CORO2B: variants seen among roughly 807,000 people sequenced by gnomAD.
The protein encoded by CORO2B is coronin-2B.
CORO2B carries 26 observed loss-of-function variants against 58.8 expected under a neutral mutation model. That is an observed-to-expected ratio of 0.44 (90% CI 0.32 to 0.61). The LOEUF is 0.61. Ranked by LOEUF, CORO2B falls within the 20% of genes least tolerant of loss-of-function variation. The pLI, the probability that CORO2B is intolerant of heterozygous loss-of-function variation, is 0.04. For synonymous variants in CORO2B, 242 were observed against 253.8 expected (o/e 0.95, Z 0.44); for missense variants, 460 against 645.1 (o/e 0.71, Z 3.11).
intron 3 of CORO2B, among the ~76,000 whole-genome samples, chr15:68,704,094 G>C (rs1005710155): frequency 6.7e-6 from 1 of 149,938 alleles, no homozygotes; most frequent in Admixed American, 6.7e-5. Context: ...ACAAATATTA[G>C]CTGGTCATGG....
intron 2 of CORO2B, among the ~76,000 whole-genome samples, chr15:68,687,242 G>A (rs890113903): frequency 3.9e-5 from 6 of 152,324 alleles, no homozygotes; most frequent in African/African-American, 1.4e-4. Context: ...AGTGAGTGCC[G>A]GAACCGGGTG....
Position 68,579,203 on chromosome 15 carries a change from G to A in CORO2B, c.-60G>A. On this transcript the variant is annotated 5_prime_UTR_variant, in exon 1 of 12. Transcript: ENST00000261861. ...GGACCCCCTTCCGCCGCCGCCCCGG[G>A]CCGCCGCCGCCGCCCCCGCACGCCG... The A allele has an allele frequency of 1.0e-6, 1 of 986,044 alleles. No individual in the cohort carries two copies. The highest frequency in any genetic ancestry group is 1.2e-6 in the Non-Finnish European group (1 of 831,920). 61.1% of individuals were successfully genotyped at this position (986,044 alleles called of 1,614,324 possible).
At chr15:68,683,633 T>G (rs565974149) in intron 2 of CORO2B, among the ~76,000 whole-genome samples, 1 of 152,288 alleles carries the variant, frequency 6.6e-6, no homozygotes, top group East Asian at 1.9e-4. Context: ...TCACCTTCCC[T>G]CTGCAGTATC....
chr15:68,655,452 A>T (rs1029179651), intron 2 of CORO2B, among the ~76,000 whole-genome samples: 1 of 151,972 alleles, frequency 6.6e-6, no homozygotes, highest in Non-Finnish European at 1.5e-5. Context: ...GTCAGAGGGG[A>T]CCCCAGGGAT....
intron 2 of CORO2B, among the ~76,000 whole-genome samples, chr15:68,662,396 A>G (rs1249192343): frequency 6.6e-6 from 1 of 152,264 alleles, no homozygotes; most frequent in East Asian, 1.9e-4. Flanking sequence ...GCCTGCTGGC[A>G]TAACTCAGGA....
intron 3 of CORO2B, among the ~76,000 whole-genome samples, chr15:68,706,907 C>A (rs1364216410): frequency 6.6e-6 from 1 of 152,028 alleles, no homozygotes; most frequent in African/African-American, 2.4e-5. Flanking sequence ...AGATGGGGGT[C>A]TCACTGTGTT....
At chr15:68,664,150 C>T (rs1013665152) in intron 2 of CORO2B, among the ~76,000 whole-genome samples, 7 of 152,002 alleles carry the variant, frequency 4.6e-5, no homozygotes, top group Non-Finnish European at 1.0e-4. Context: ...TGAATGTACA[C>T]GTGCAAAAAT....
intron 3 of CORO2B, among the ~76,000 whole-genome samples, chr15:68,699,454 G>A (rs1301305050): frequency 2.0e-5 from 3 of 152,126 alleles, no homozygotes; most frequent in African/African-American, 4.8e-5. Context: ...AGGGAAGAGC[G>A]GAGGGGTGTG....
intron 1 of CORO2B, among the ~76,000 whole-genome samples, chr15:68,619,422 A>G (rs1338601658): frequency 7.2e-5 from 11 of 152,194 alleles, no homozygotes; most frequent in Non-Finnish European, 1.5e-5. Flanking sequence ...TGTGTGTGCA[A>G]GATTGAAAGG....
chr15:68,552,502 G>C, the CORO2B span, among the ~76,000 whole-genome samples: 1 of 151,960 alleles, frequency 6.6e-6, no homozygotes, highest in Non-Finnish European at 1.5e-5. Flanking sequence ...CTTGTTGCTG[G>C]GTAACCAGCT....
Position 68,633,816 on chromosome 15 carries a change from A to G in CORO2B, c.16-11344A>G, listed in dbSNP as rs560767140. On this transcript the variant is annotated intron_variant, in intron 1 of 11. Transcript: ENST00000261861. Reference sequence around the variant, plus strand: ...TCTTCCATGCCATCCCCTGGCTGTAATGTAGATAGATTATCTCTTGGGAAG... The same window carrying G: ...TCTTCCATGCCATCCCCTGGCTGTAGTGTAGATAGATTATCTCTTGGGAAG... Among the ~76,000 whole-genome samples, 42 of 152,302 alleles carry G rather than the reference A, an allele frequency of 2.8e-4. 1 individual carries two copies. Among genetic ancestry groups the G allele is most frequent in the Admixed American group, 2.6e-3 (40 of 15,300 alleles).
intron 2 of CORO2B, among the ~76,000 whole-genome samples, chr15:68,678,951 G>C (rs979246313): frequency 6.6e-6 from 1 of 152,232 alleles, no homozygotes; most frequent in East Asian, 1.9e-4. Context: ...TCCCCTCCCT[G>C]CCCCTCCAGC....
intron 2 of CORO2B, among the ~76,000 whole-genome samples, chr15:68,669,881 A>G (rs1902327860): frequency 6.6e-6 from 1 of 151,940 alleles, no homozygotes; most frequent in Non-Finnish European, 1.5e-5. Context: ...ACATGGTGAA[A>G]CCCTATCTCT....
intron 1 of CORO2B, among the ~76,000 whole-genome samples, chr15:68,644,803 A>AGGAG (rs1399154462): frequency 1.1e-4 from 16 of 152,248 alleles, no homozygotes; most frequent in Non-Finnish European, 1.6e-4. Context: ...CCAGATACTC[A>AGGAG]GGAGGGAGTC....
the CORO2B span, among the ~76,000 whole-genome samples, chr15:68,538,487 G>C: frequency 6.6e-6 from 1 of 152,216 alleles, no homozygotes; most frequent in African/African-American, 2.4e-5. Context: ...GTGACTGTGA[G>C]GAGGTCCTGG....
chr15:68,530,275 A>G, the CORO2B span, among the ~76,000 whole-genome samples: 2 of 152,184 alleles, frequency 1.3e-5, no homozygotes, highest in African/African-American at 4.8e-5. Context: ...CAGTGAGCCA[A>G]GATGGCGCCA....
At chr15:68,669,566 C>T (rs1902315904) in intron 2 of CORO2B, among the ~76,000 whole-genome samples, 1 of 152,130 alleles carries the variant, frequency 6.6e-6, no homozygotes. Flanking sequence ...CGGGACTGAC[C>T]TTGACTTTTG....
the CORO2B span, among the ~76,000 whole-genome samples, chr15:68,556,076 G>A: frequency 1.3e-5 from 2 of 152,234 alleles, no homozygotes; most frequent in Non-Finnish European, 2.9e-5. Flanking sequence ...AGGATAAGGT[G>A]GGGTGAGGAC....
Position 68,677,130 on chromosome 15 carries a change from C to T in CORO2B, c.217-18010C>T, listed in dbSNP as rs529010850. Among the ~76,000 whole-genome samples, 23 of 152,232 alleles carry T rather than the reference C, an allele frequency of 1.5e-4. No homozygotes were observed. In the South Asian group the frequency reaches 3.3e-3, roughly 22 times the overall value. ...GTGCTCCCCGCCAGGCCTGGAGCCC[C>T]GGAGGCACACCCTCCCTCTCCTCCA... On this transcript the variant is annotated intron_variant, in intron 2 of 11. Coordinates refer to ENST00000261861, the MANE Select transcript of CORO2B (RefSeq NM_006091.5).
Sources: gnomAD v4.1 joint callset for allele counts (sites outside exome capture counted in the v4.1 genomes callset) on GRCh38, gnomAD v4.1.1 for gene constraint, MANE v1.5 for transcripts, NCBI Gene and HGNC (gene_info 2026-07-23, HGNC 2026-07-21) for gene names.